CES2: variants seen among roughly 807,000 people sequenced by gnomAD.
The protein encoded by CES2 is carboxylesterase 2, also known as cocaine esterase.
CES2 carries 42 observed loss-of-function variants against 52.1 expected under a neutral mutation model. The ratio of observed to expected loss-of-function variants is 0.81; its 90% CI spans 0.63 to 1.04. The LOEUF is 1.04. CES2 is among the 50% of genes least tolerant of loss of function. The pLI is 0.00. For missense variants in CES2, 656 were observed against 724.3 expected (o/e 0.91, Z 1.08); for synonymous variants, 277 against 289.6 (o/e 0.96, Z 0.44).
intron 1 of CES2, chr16:66,936,069 GGCC>G: frequency 8.8e-7 from 1 of 1,137,412 alleles, no homozygotes; most frequent in Non-Finnish European, 1.1e-6. Context: ...GGGTGCTGCC[GGCC>G]GGTAATAACA....
Sources: gnomAD v4.1 joint callset for allele counts on GRCh38, gnomAD v4.1.1 for gene constraint, MANE v1.5 for transcripts, NCBI Gene and HGNC (gene_info 2026-07-23, HGNC 2026-07-21) for gene names.